Variants in CPXM2 observed in about 807,000 individuals in gnomAD.
CPXM2 encodes the protein inactive carboxypeptidase-like protein X2.
A neutral mutation model predicts 86.1 loss-of-function variants in CPXM2; 66 were observed. The observed-to-expected ratio is 0.77, with a 90% CI of 0.63 to 0.94. The LOEUF (loss-of-function observed/expected upper bound fraction) is 0.94. CPXM2 is among the 40% of genes least tolerant of loss of function. CPXM2 has a pLI of 0.00. For missense variants in CPXM2, 948 were observed against 1,026.3 expected, an observed-to-expected ratio of 0.92 and a Z score of 1.04; for synonymous variants, 388 against 400.2, an observed-to-expected ratio of 0.97 and a Z score of 0.36.
intron 2 of CPXM2, among the ~76,000 whole-genome samples, chr10:123,922,071 G>GT (rs1393833986): frequency 6.6e-6 from 1 of 152,176 alleles, no homozygotes; most frequent in Non-Finnish European, 1.5e-5. Flanking sequence ...TTGGGGGCAG[G>GT]TGTTTCTTTG....
Position 123,762,143 on chromosome 10 carries a change from T to C in CPXM2, c.1506A>G (p.Ile502Met), listed in dbSNP as rs1406239300. 4 of 1,614,108 alleles carry C rather than the reference T, an allele frequency of 2.5e-6. No individual in the cohort carries two copies. Among genetic ancestry groups the C allele is most frequent in the African/African-American group, 1.3e-5 (1 of 75,034 alleles). Reference protein sequence around the residue: ...ATVAAETRAVIAWMEKIPFVL... With the variant: ...ATVAAETRAVMAWMEKIPFVL... ...CAAAAGGGATTTTTTCCATCCAGGC[T>C]ATGACTGCTCTGGTCTCGGCAGCCA... Residue 502 changes from isoleucine to methionine, a missense_variant, in exon 11 of 14, where the codon ATA becomes ATG. By Grantham distance (10) the Ile-to-Met change is conservative (BLOSUM62 1). Transcript: ENST00000241305.
At chr10:123,845,797 A>G (rs566748219) in intron 3 of CPXM2, among the ~76,000 whole-genome samples, 16 of 152,344 alleles carry the variant, frequency 1.1e-4, no homozygotes, top group Admixed American at 8.5e-4. Flanking sequence ...AATAAAGAAA[A>G]GATTCTAAAA....
In CPXM2 at chr10:123,746,725, T is replaced by G. The variant is rs759392431; in HGVS notation, c.*39A>C. On this transcript the variant is annotated 3_prime_UTR_variant, in exon 14 of 14. Transcript: ENST00000241305. ...GGAGCTACTACCAGGTTGGTTTAAT[T>G]TGCATGGGTCCCAGACGAGTCTCAA... is the stretch of plus-strand genomic sequence containing the variant. The G allele has an allele frequency of 6.9e-6, 11 of 1,604,140 alleles. No homozygotes were observed. The highest frequency in any genetic ancestry group is 9.4e-6 in the Non-Finnish European group (11 of 1,174,886).
intron 6 of CPXM2, among the ~76,000 whole-genome samples, chr10:123,780,638 T>C (rs1846911368): frequency 6.6e-6 from 1 of 152,224 alleles, no homozygotes; most frequent in African/African-American, 2.4e-5. Context: ...CTGTCAACAC[T>C]GCATAAATAA....
intron 6 of CPXM2, among the ~76,000 whole-genome samples, chr10:123,785,476 T>G (rs970919338): frequency 6.6e-6 from 1 of 152,168 alleles, no homozygotes; most frequent in Admixed American, 6.5e-5. Context: ...TTCCCAGGAC[T>G]GTCCTGGTTT....
intron 4 of CPXM2, among the ~76,000 whole-genome samples, chr10:123,818,540 G>T (rs1374310216): frequency 6.6e-6 from 1 of 152,160 alleles, no homozygotes; most frequent in African/African-American, 2.4e-5. Context: ...TATCCTGCAC[G>T]CAATGCTTCT....
chr10:123,818,352 T>C (rs1847855514), intron 4 of CPXM2, among the ~76,000 whole-genome samples: 2 of 152,150 alleles, frequency 1.3e-5, no homozygotes, highest in Non-Finnish European at 2.9e-5. Flanking sequence ...TGGCCACTGC[T>C]GAGTACCCAA....
rs1039215814 is a variant in CPXM2, at chr10:123,754,416, G to A, written c.2017+247C>T. ...CCTCAACTCCTTAGAAACTTCCACT[G>A]TGCCTGGAGGCCAGCTGGTGGCTGC... On this transcript the variant is annotated intron_variant, in intron 13 of 13. Transcript: ENST00000241305. This position sits in a 1 kb window ranked among gnomAD's most constrained non-coding sequence, Gnocchi z 4.0. Among the ~76,000 whole-genome samples the A allele has an allele frequency of 6.6e-6, 1 of 152,188 alleles. No individual in the cohort carries two copies. Among genetic ancestry groups the A allele is most frequent in the Non-Finnish European group, 1.5e-5 (1 of 68,038 alleles).
rs1401520241 is a variant in CPXM2, at chr10:123,937,465, AAAACAACACACACAC to A, written n.174+1997_174+2011del. On this transcript the variant is annotated intron_variant and non_coding_transcript_variant, in intron 2 of 19. Transcript: ENST00000368854. ...CAGTCTGTTAGAAAAACAAGACAAC[AAAACAACACACACAC>A]ACACACACACACACACACACACACA... Among the ~76,000 whole-genome samples, 197 of 139,900 alleles carry A rather than the reference AAAACAACACACACAC, an allele frequency of 1.4e-3. 3 individuals carry two copies. In the East Asian group the frequency reaches 0.031, roughly 22 times the overall value. The allele number at this position is 139,900 out of a possible 152,430, so 91.8% of individuals were successfully genotyped here. A position where few individuals can be genotyped will look rare whatever the true frequency, so the allele number is the denominator to read the frequency against.
chr10:123,819,278 T>C (rs1847877277), intron 4 of CPXM2, among the ~76,000 whole-genome samples: 1 of 152,122 alleles, frequency 6.6e-6, no homozygotes, highest in Non-Finnish European at 1.5e-5. Context: ...TTAGGGTCAA[T>C]GGGAAGCTAC....
At chr10:123,936,905 C>A (rs1356334436) in intron 2 of CPXM2, among the ~76,000 whole-genome samples, 1 of 152,146 alleles carries the variant, frequency 6.6e-6, no homozygotes, top group Non-Finnish European at 1.5e-5. Flanking sequence ...GATGCTTCCT[C>A]TCTCTCACCA....
At chr10:123,883,630 T>C (rs114118768) in intron 1 of CPXM2, among the ~76,000 whole-genome samples, 5,118 of 152,286 alleles carry the variant, frequency 0.034, 265 homozygotes, top group African/African-American at 0.11. Context: ...GGTTCAAAAT[T>C]GACACGGCAT....
intron 6 of CPXM2, among the ~76,000 whole-genome samples, chr10:123,792,927 A>C (rs553093121): frequency 6.6e-6 from 1 of 152,344 alleles, no homozygotes; most frequent in East Asian, 1.9e-4. Flanking sequence ...CAGGTGGTAG[A>C]AGACAGGTGG....
At chr10:123,775,217 A>G (rs747029807) in intron 7 of CPXM2, among the ~76,000 whole-genome samples, 7 of 152,198 alleles carry the variant, frequency 4.6e-5, no homozygotes, top group Non-Finnish European at 7.3e-5. Flanking sequence ...CACTGTGACC[A>G]TTCTGATGGC....
intron 5 of CPXM2, 87 bp from the exon 6 acceptor site, chr10:123,798,213 C>G: frequency 2.0e-6 from 2 of 1,011,880 alleles, no homozygotes; most frequent in South Asian, 2.3e-5. Context: ...TTCAACAAGA[C>G]TTTATTGAGG....
intron 12 of CPXM2, among the ~76,000 whole-genome samples, chr10:123,755,387 A>C (rs1465793012): frequency 6.6e-6 from 1 of 152,194 alleles, no homozygotes; most frequent in African/African-American, 2.4e-5. Context: ...ATCTCTTAGA[A>C]AAATAGGAGT....
intron 10 of CPXM2, among the ~76,000 whole-genome samples, chr10:123,766,319 C>T (rs1186903722): frequency 2.0e-5 from 3 of 152,134 alleles, no homozygotes; most frequent in Non-Finnish European, 4.4e-5. Context: ...GAAACTTTTA[C>T]CTTGTTAAGG....
intron 4 of CPXM2, among the ~76,000 whole-genome samples, chr10:123,814,094 T>TTGACCATTGGGTGCTA (rs1469124288): frequency 3.9e-5 from 6 of 152,226 alleles, no homozygotes; most frequent in Non-Finnish European, 8.8e-5. Flanking sequence ...GTTATCAGTC[T>TTGACCATTGGGTGCTA]TGACCATTGG....
chr10:123,870,944 T>C (rs1366050789), intron 2 of CPXM2, among the ~76,000 whole-genome samples: 1 of 152,194 alleles, frequency 6.6e-6, no homozygotes, highest in African/African-American at 2.4e-5. Context: ...TGGGGTCTTT[T>C]ACCTGTGAGG....
Sources: gnomAD v4.1 joint callset for allele counts (sites outside exome capture counted in the v4.1 genomes callset) on GRCh38, gnomAD v4.1.1 for gene constraint, Gnocchi (gnomAD v3.1) non-coding constraint, MANE v1.5 for transcripts, NCBI Gene and HGNC (gene_info 2026-07-23, HGNC 2026-07-21) for gene names.